The following LRP2 variants were observed in gnomAD, a reference collection of about 807,000 sequenced individuals.
LRP2 encodes LDL receptor related protein 2, also known as low-density lipoprotein receptor-related protein 2.
A neutral mutation model predicts 531.0 loss-of-function variants in LRP2; 172 were observed. The observed-to-expected ratio is 0.32, with a 90% confidence interval of 0.29 to 0.37. The LOEUF is 0.37. LRP2 is among the 10% of genes least tolerant of loss of function. The pLI, the probability that LRP2 is intolerant of heterozygous loss-of-function variation, is 1.00. For synonymous variants in LRP2, 1,992 were observed against 2,027.6 expected (o/e 0.98, Z 0.47); for missense variants, 5,167 against 5,868.3 (o/e 0.88, Z 3.90).
intron 64 of LRP2, among the ~76,000 whole-genome samples, 185 bp from the exon 65 acceptor site, chr2:169,156,590 T>G (rs1686339588): frequency 6.6e-6 from 1 of 152,132 alleles, no homozygotes; most frequent in Non-Finnish European, 1.5e-5. Flanking sequence ...TTTTCAAATA[T>G]TTTCCTCGTT....
chr2:169,332,921 TA>T (rs1462251317), intron 1 of LRP2, among the ~76,000 whole-genome samples: 1 of 152,218 alleles, frequency 6.6e-6, no homozygotes. Context: ...GTTAGATGAA[TA>T]ACTGAGTTGC....
At chr2:169,330,700 T>A (rs1219113294) in intron 1 of LRP2, among the ~76,000 whole-genome samples, 1 of 151,860 alleles carries the variant, frequency 6.6e-6, no homozygotes, top group African/African-American at 2.4e-5. Flanking sequence ...CCAGTAGTGC[T>A]CCCCCACATC....
At chr2:169,245,304 C>G (rs1689966662) in intron 21 of LRP2, among the ~76,000 whole-genome samples, 1 of 152,152 alleles carries the variant, frequency 6.6e-6, no homozygotes, top group Non-Finnish European at 1.5e-5. Flanking sequence ...AAAGCTCATC[C>G]TTAACTTTCA....
At chr2:169,230,175 T>C (rs1689349722) in intron 31 of LRP2, among the ~76,000 whole-genome samples, 1 of 152,240 alleles carries the variant, frequency 6.6e-6, no homozygotes, top group South Asian at 2.1e-4. Context: ...ACCCCCAATG[T>C]GCAATTCAAC....
chr2:169,297,889 T>C (rs1338150691), intron 4 of LRP2, among the ~76,000 whole-genome samples: 3 of 152,166 alleles, frequency 2.0e-5, no homozygotes, highest in African/African-American at 7.2e-5. Flanking sequence ...TTTGACAACA[T>C]GGCTGAGGAC....
At chr2:169,359,104 T>G (rs1008028683) in intron 1 of LRP2, among the ~76,000 whole-genome samples, 2 of 152,100 alleles carry the variant, frequency 1.3e-5, no homozygotes, top group Admixed American at 1.3e-4. Flanking sequence ...TAGATTATTT[T>G]CTAGTTTATT....
chr2:169,358,599 C>T (rs1428538186), intron 1 of LRP2, among the ~76,000 whole-genome samples: 1 of 152,178 alleles, frequency 6.6e-6, no homozygotes, highest in Non-Finnish European at 1.5e-5. Context: ...CTATTGCCCC[C>T]ACAATCCTTT....
chr2:169,193,738 A>G (rs753164096), intron 47 of LRP2, 23 bp downstream of exon 47: 7 of 1,614,004 alleles, frequency 4.3e-6, no homozygotes, highest in Admixed American at 3.3e-5. Context: ...GACTCTGCAG[A>G]GGAATTAATT....
intron 16 of LRP2, among the ~76,000 whole-genome samples, chr2:169,263,131 C>A (rs1690640668): frequency 6.6e-6 from 1 of 152,078 alleles, no homozygotes; most frequent in Admixed American, 6.6e-5. Flanking sequence ...AGACCTAAAA[C>A]CATAAAAACC....
chr2:169,142,710 T>C lies in LRP2; in HGVS notation c.13072A>G (p.Ser4358Gly). The change falls in exon 71 of 79, where the codon AGC becomes GGC. Residue 4358 changes from serine to glycine, a missense_variant. Physicochemically the swap from Ser to Gly is moderately conservative, Grantham distance 56. Around this residue, in one of 6 missense-constraint regions of LRP2, gnomAD observed 348 missense variants for 369.3 expected, o/e 0.94. Coordinates refer to ENST00000649046, the MANE Select transcript of LRP2 (RefSeq NM_004525.3). ...GYSCACPQGS[S>G]FIEGSTTECD... is the part of the protein sequence containing the mutation. ...TCAGTGGTGCTCCCCTCTATAAAGC[T>C]GGAGCCTTGGGGACAGGCACAGCTG... 6.2e-7 allele frequency: 1 copy of C among 1,614,094 alleles called. No individual in the cohort carries two copies. Among genetic ancestry groups the C allele is most frequent in the Non-Finnish European group, 8.5e-7 (1 of 1,179,954 alleles).
intron 47 of LRP2, among the ~76,000 whole-genome samples, chr2:169,193,225 G>T (rs1039108354): frequency 6.6e-6 from 1 of 151,924 alleles, no homozygotes; most frequent in African/African-American, 2.4e-5. Context: ...CCAGTAGTTT[G>T]AGATTAGCCT....
intron 2 of LRP2, among the ~76,000 whole-genome samples, chr2:169,320,285 T>A (rs1193203988): frequency 6.6e-6 from 1 of 152,226 alleles, no homozygotes; most frequent in Non-Finnish European, 1.5e-5. Flanking sequence ...AAACTAGAAT[T>A]TTTAAAAAAC....
intron 1 of LRP2, among the ~76,000 whole-genome samples, chr2:169,356,828 A>G (rs1686001300): frequency 6.6e-6 from 1 of 152,190 alleles, no homozygotes; most frequent in African/African-American, 2.4e-5. Flanking sequence ...TGCTGGTGAG[A>G]TCCTGGGCAG....
At chr2:169,195,875 G>C (rs1687986009) in intron 46 of LRP2, among the ~76,000 whole-genome samples, 1 of 152,114 alleles carries the variant, frequency 6.6e-6, no homozygotes, top group Non-Finnish European at 1.5e-5. Context: ...ATTGAAAATA[G>C]TTTGACTTCA....
intron 1 of LRP2, among the ~76,000 whole-genome samples, chr2:169,351,727 G>T (rs969310372): frequency 6.6e-6 from 1 of 152,198 alleles, no homozygotes; most frequent in African/African-American, 2.4e-5. Context: ...TTGGCTTCAT[G>T]AATGTCAAGC....
At chr2:169,215,812 T>C (rs896929875) in intron 35 of LRP2, among the ~76,000 whole-genome samples, 11 of 148,314 alleles carry the variant, frequency 7.4e-5, no homozygotes, top group African/African-American at 2.5e-4. Flanking sequence ...ATATACCATA[T>C]AGTATAGATA....
rs114489148 is a variant in LRP2 at position 169,130,266 on chromosome 2, T to C, written c.13729-1182A>G. Among the ~76,000 whole-genome samples, 468 of 152,192 alleles carry C rather than the reference T, an allele frequency of 3.1e-3. 2 individuals are homozygous for C. The highest frequency in any genetic ancestry group is 0.02 in the Middle Eastern group (6 of 294). ...GATCCTATGCATATCAATGTAACTT[T>C]TGGAAAATGATAGAACTGAATCTTT... On this transcript the variant is annotated intron_variant, in intron 77 of 78. Coordinates refer to ENST00000649046, the MANE Select transcript of LRP2 (RefSeq NM_004525.3).
intron 70 of LRP2, among the ~76,000 whole-genome samples, chr2:169,143,353 T>C (rs747635801): frequency 1.8e-4 from 27 of 152,094 alleles, no homozygotes; most frequent in Non-Finnish European, 3.7e-4. Context: ...TCAAAACTAT[T>C]GATGCCAGGC....
At chr2:169,211,840 T>C in intron 37 of LRP2, 128 bp downstream of exon 37, 1 of 1,300,902 alleles carries the variant, frequency 7.7e-7, no homozygotes, top group Non-Finnish European at 1.1e-6. Context: ...CTGTGCCAGT[T>C]GATTTAAAGG....
Sources: gnomAD v4.1 joint callset for allele counts (sites outside exome capture counted in the v4.1 genomes callset) on GRCh38, gnomAD v4.1.1 for gene constraint, gnomAD v4.1.1 regional missense constraint, MANE v1.5 for transcripts, NCBI Gene and HGNC (gene_info 2026-07-23, HGNC 2026-07-21) for gene names.